GRIK2: variants seen among roughly 807,000 people sequenced by gnomAD.
GRIK2 encodes glutamate receptor ionotropic, kainate 2.
A neutral mutation model predicts 100.3 loss-of-function variants in GRIK2; 32 were observed. The observed-to-expected ratio is 0.32, with a 90% CI of 0.24 to 0.43. GRIK2 has a LOEUF of 0.43. GRIK2 is among the 20% of genes least tolerant of loss of function. The pLI is 1.00. For missense variants in GRIK2, 843 were observed against 1,114.9 expected (o/e 0.76, Z 3.47); for synonymous variants, 417 against 389.4 (o/e 1.07, Z -0.83).
intron 7 of GRIK2, among the ~76,000 whole-genome samples, chr6:101,794,520 CTCTT>C (rs1292389982): frequency 6.6e-6 from 1 of 152,062 alleles, no homozygotes; most frequent in Non-Finnish European, 1.5e-5. Context: ...CCTTCTTTCT[CTCTT>C]ATTGTTTATC....
chr6:101,464,497 C>CTTTTTT (rs71028069), intron 2 of GRIK2, among the ~76,000 whole-genome samples: 5 of 62,010 alleles, frequency 8.1e-5, no homozygotes, highest in Non-Finnish European at 1.2e-4. Flanking sequence ...CTTTTTCTTT[C>CTTTTTT]TTTTTTTTTT....
intron 7 of GRIK2, among the ~76,000 whole-genome samples, chr6:101,783,571 C>A: frequency 6.6e-6 from 1 of 152,118 alleles, no homozygotes; most frequent in Non-Finnish European, 1.5e-5. Flanking sequence ...GACTTTGGAA[C>A]TGGGTAACAG....
chr6:101,568,351 A>C (rs1271793753), intron 2 of GRIK2, among the ~76,000 whole-genome samples: 1 of 151,998 alleles, frequency 6.6e-6, no homozygotes, highest in Non-Finnish European at 1.5e-5. Context: ...TACCATTTCT[A>C]TTAAATGCAA....
intron 7 of GRIK2, among the ~76,000 whole-genome samples, chr6:101,703,655 C>T (rs1251567866): frequency 6.6e-6 from 1 of 151,474 alleles, no homozygotes; most frequent in Admixed American, 6.6e-5. Context: ...CATAAAGTCA[C>T]ATAAATTTTT....
chr6:101,987,824 G>T (rs1008847766), intron 14 of GRIK2, among the ~76,000 whole-genome samples: 7 of 151,302 alleles, frequency 4.6e-5, no homozygotes, highest in African/African-American at 1.7e-4. Flanking sequence ...GTTTCTAACA[G>T]ATTTAAATTT....
At chr6:101,522,148 C>A (rs1317310966) in intron 2 of GRIK2, among the ~76,000 whole-genome samples, 2 of 152,118 alleles carry the variant, frequency 1.3e-5, no homozygotes, top group Non-Finnish European at 2.9e-5. Flanking sequence ...TCGTTACTTA[C>A]ATGCTTTAGC....
chr6:101,777,644 A>G (rs1778833369), intron 7 of GRIK2, among the ~76,000 whole-genome samples: 1 of 152,214 alleles, frequency 6.6e-6, no homozygotes, highest in Non-Finnish European at 1.5e-5. Flanking sequence ...TGAAAGATCC[A>G]GAATTCATAA....
chr6:101,502,435 G>T (rs1326661936), intron 2 of GRIK2, among the ~76,000 whole-genome samples: 1 of 152,024 alleles, frequency 6.6e-6, no homozygotes, highest in Non-Finnish European at 1.5e-5. Flanking sequence ...GGTGTATGTA[G>T]TCATGCAATG....
intron 12 of GRIK2, among the ~76,000 whole-genome samples, chr6:101,921,036 A>T (rs1789458775): frequency 6.6e-6 from 1 of 152,052 alleles, no homozygotes. Context: ...GTATAGTGCC[A>T]ATGGGAATAA....
chr6:102,033,352 G>A (rs1038392395), intron 14 of GRIK2, among the ~76,000 whole-genome samples: 1 of 151,192 alleles, frequency 6.6e-6, no homozygotes, highest in Non-Finnish European at 1.5e-5. Flanking sequence ...GTTTTAATAT[G>A]GTCTTCCCTG....
chr6:101,580,714 C>A (rs1271393040), intron 2 of GRIK2, among the ~76,000 whole-genome samples: 1 of 152,112 alleles, frequency 6.6e-6, no homozygotes, highest in African/African-American at 2.4e-5. Context: ...CTTTCTCTTC[C>A]TTTCTCAGCC....
At chr6:101,960,587 C>A (rs918018637) in intron 14 of GRIK2, among the ~76,000 whole-genome samples, 1 of 151,962 alleles carries the variant, frequency 6.6e-6, no homozygotes, top group Non-Finnish European at 1.5e-5. Context: ...AGGGGCCAAG[C>A]CTCTGTATGA....
chr6:101,714,007 C>G (rs968573378), intron 7 of GRIK2, among the ~76,000 whole-genome samples: 3 of 151,586 alleles, frequency 2.0e-5, no homozygotes, highest in African/African-American at 7.3e-5. Flanking sequence ...AAATGTGTTG[C>G]TTTCAAAATA....
In GRIK2 at chr6:101,908,671, G is replaced by A. The variant is rs1184982941; in HGVS notation, c.1749-15930G>A. On this transcript the variant is annotated intron_variant, in intron 12 of 16. Coordinates refer to ENST00000369134, the MANE Select transcript of GRIK2 (RefSeq NM_021956.5). ...TGTAGGCTAATTTATTAAACTTGCT[G>A]TCTTTCAATTAATAAATTTGCAAAG... 4.0e-5 allele frequency among the ~76,000 whole-genome samples: 6 copies of A among 151,382 alleles called. No individual in the cohort carries two copies. In the East Asian group the frequency reaches 1.2e-3, roughly 29 times the overall value.
chr6:101,489,410 C>A (rs1772990274), intron 2 of GRIK2, among the ~76,000 whole-genome samples: 1 of 145,906 alleles, frequency 6.9e-6, no homozygotes, highest in Non-Finnish European at 1.5e-5. Context: ...ACACAGAGAG[C>A]ACCCATATAG....
intron 16 of GRIK2, among the ~76,000 whole-genome samples, chr6:102,064,266 CTCTCCT>C (rs1021358092): frequency 2.0e-5 from 3 of 149,514 alleles, no homozygotes; most frequent in East Asian, 2.0e-4. Context: ...CTTCTCCTCC[CTCTCCT>C]TCTCCTTCTC....
intron 14 of GRIK2, among the ~76,000 whole-genome samples, chr6:102,007,670 T>C (rs184734633): frequency 7.0e-4 from 107 of 152,208 alleles, no homozygotes; most frequent in African/African-American, 2.5e-3. Context: ...ATTTTCATAT[T>C]AGATGATAGT....
intron 6 of GRIK2, among the ~76,000 whole-genome samples, chr6:101,685,332 C>G (rs148271033): frequency 3.7e-4 from 56 of 152,286 alleles, no homozygotes; most frequent in African/African-American, 1.3e-3. Flanking sequence ...TTCTTATTAT[C>G]TAGCCTGTGT....
chr6:101,973,503 T>C (rs1447495012), intron 14 of GRIK2, among the ~76,000 whole-genome samples: 1 of 151,868 alleles, frequency 6.6e-6, no homozygotes, highest in Non-Finnish European at 1.5e-5. Context: ...ACCATAACCT[T>C]TCAGGAGAAA....
Sources: gnomAD v4.1 joint callset for allele counts (sites outside exome capture counted in the v4.1 genomes callset) on GRCh38, gnomAD v4.1.1 for gene constraint, MANE v1.5 for transcripts, NCBI Gene and HGNC (gene_info 2026-07-23, HGNC 2026-07-21) for gene names.